PIWIL2: variants seen among roughly 807,000 people sequenced by gnomAD.
PIWIL2 encodes the protein piwi like RNA-mediated gene silencing 2.
PIWIL2 carries 81 observed loss-of-function variants against 116.5 expected under a neutral mutation model. That is an observed-to-expected ratio of 0.70 (90% confidence interval 0.58 to 0.84). The LOEUF (loss-of-function observed/expected upper bound fraction) is 0.84. PIWIL2 is among the 40% of genes least tolerant of loss of function. The pLI is 0.00. For missense variants in PIWIL2, 1,272 were observed against 1,212.3 expected, an observed-to-expected ratio of 1.05 and a Z score of -0.73; for synonymous variants, 489 against 429.5, an observed-to-expected ratio of 1.14 and a Z score of -1.71.
chr8:22,279,718 CGAG>C (rs1436320054), intron 2 of PIWIL2, 134 bp downstream of exon 2: 1 of 757,992 alleles, frequency 1.3e-6, no homozygotes, highest in Admixed American at 2.4e-5. Context: ...TTTGGGAGGC[CGAG>C]GCAGGTGGAT....
intron 1 of PIWIL2, 121 bp from the exon 2 acceptor site, chr8:22,279,220 T>G (rs982192398): frequency 1.3e-5 from 8 of 610,862 alleles, no homozygotes; most frequent in African/African-American, 5.5e-5. Flanking sequence ...GAAGTGAATA[T>G]GTTGTAGAAG....
intron 12 of PIWIL2, among the ~76,000 whole-genome samples, chr8:22,305,172 C>CATTTATTT (rs10669583): frequency 0.18 from 26,353 of 143,784 alleles, 2,827 homozygotes; most frequent in East Asian, 0.3. Flanking sequence ...TATAGATATT[C>CATTTATTT]ATTTATTTAT....
intron 20 of PIWIL2, among the ~76,000 whole-genome samples, chr8:22,322,886 A>G (rs1831635156): frequency 6.6e-6 from 1 of 152,092 alleles, no homozygotes; most frequent in African/African-American, 2.4e-5. Flanking sequence ...TTACTCTCAT[A>G]TCTCAAGAGC....
intron 20 of PIWIL2, among the ~76,000 whole-genome samples, chr8:22,329,012 G>A (rs1831797232): frequency 6.6e-6 from 1 of 151,888 alleles, no homozygotes; most frequent in South Asian, 2.1e-4. Flanking sequence ...TTGAATAGCA[G>A]TGCTAAAATC....
chr8:22,284,009 C>T (rs1314756107), intron 5 of PIWIL2, among the ~76,000 whole-genome samples, 153 bp from the exon 6 acceptor site: 1 of 151,112 alleles, frequency 6.6e-6, no homozygotes, highest in Non-Finnish European at 1.5e-5. Flanking sequence ...GAGCTTGCTT[C>T]TGTAAGTGTT....
intron 15 of PIWIL2, 151 bp from the exon 16 acceptor site, chr8:22,310,961 A>G (rs1029287239): frequency 6.1e-6 from 4 of 650,862 alleles, no homozygotes; most frequent in African/African-American, 1.8e-5. Flanking sequence ...CAGTTTTCTT[A>G]TCATGTACGT....
chr8:22,355,286 T>C, intron 22 of PIWIL2, 63 bp from the exon 23 acceptor site: 2 of 1,530,336 alleles, frequency 1.3e-6, no homozygotes, highest in South Asian at 2.3e-5. Context: ...TATTGTATTG[T>C]ATTGCATGCC....
At chr8:22,289,007 G>T (rs986052267) in intron 8 of PIWIL2, among the ~76,000 whole-genome samples, 4 of 152,162 alleles carry the variant, frequency 2.6e-5, no homozygotes, top group African/African-American at 9.7e-5. Flanking sequence ...AAAAATATTT[G>T]CTGGAAGGAT....
rs200920083 is a variant in PIWIL2 at position 22,307,974 on chromosome 8, T to C, written c.1587T>C (p.His529=). 2 of 1,613,266 alleles carry C rather than the reference T, an allele frequency of 1.2e-6. No homozygotes were observed. Among genetic ancestry groups the C allele is most frequent in the East Asian group, 2.2e-5 (1 of 44,844 alleles). The stretch of plus-strand genomic sequence containing the variant: ...TCAATCTGAGCCCCAAGCAACACCA[T>C]AGTGCTTTGGAATGCTTGCTGCAAA... ...QQINLSPKQH[H]SALECLLQRI... Residue 529 remains histidine (H), a synonymous_variant, in exon 14 of 23, where the codon CAT becomes CAC. Transcript: ENST00000356766.
chr8:22,303,951 GATCCCCT>G, intron 10 of PIWIL2, 63 bp from the exon 11 acceptor site: 1 of 942,780 alleles, frequency 1.1e-6, no homozygotes, highest in Non-Finnish European at 1.6e-6. Context: ...TCAATTACTT[GATCCCCT>G]ATCCCTTTCA....
intron 18 of PIWIL2, among the ~76,000 whole-genome samples, chr8:22,315,992 C>T (rs1831449414): frequency 6.6e-6 from 1 of 152,144 alleles, no homozygotes; most frequent in Admixed American, 6.5e-5. Context: ...GTGTTTTCTA[C>T]AGAAATCATA....
chr8:22,337,904 G>A (rs952515914), intron 20 of PIWIL2, among the ~76,000 whole-genome samples: 2 of 151,956 alleles, frequency 1.3e-5, no homozygotes, highest in Admixed American at 6.6e-5. Flanking sequence ...GACCAGCCTC[G>A]CCAACATGGC....
intron 20 of PIWIL2, among the ~76,000 whole-genome samples, chr8:22,336,360 A>G (rs1831981803): frequency 6.6e-6 from 1 of 152,228 alleles, no homozygotes; most frequent in South Asian, 2.1e-4. Flanking sequence ...AAATTAAACA[A>G]GACTGGCTCC....
At chr8:22,280,856 C>T (rs974355829) in intron 2 of PIWIL2, among the ~76,000 whole-genome samples, 2 of 141,772 alleles carry the variant, frequency 1.4e-5, no homozygotes, top group African/African-American at 5.1e-5. Flanking sequence ...TACTGTTTAT[C>T]AAATCAAAAT....
At chr8:22,290,194 C>A in intron 9 of PIWIL2, 39 bp from the exon 10 acceptor site, 3 of 1,271,138 alleles carry the variant, frequency 2.4e-6, no homozygotes, top group South Asian at 1.2e-5. Flanking sequence ...TATATGTGTT[C>A]TTTGAAAATC....
At chr8:22,277,479 G>A (rs985753171) in intron 1 of PIWIL2, among the ~76,000 whole-genome samples, 5 of 152,162 alleles carry the variant, frequency 3.3e-5, no homozygotes, top group African/African-American at 7.2e-5. Context: ...GAAAGACTGT[G>A]TACTCTGGAG....
chr8:22,311,872 C>G (rs1397561956), intron 16 of PIWIL2, among the ~76,000 whole-genome samples: 1 of 152,198 alleles, frequency 6.6e-6, no homozygotes, highest in Non-Finnish European at 1.5e-5. Context: ...GTAATTAGCC[C>G]TTGAATTGAA....
At chr8:22,337,326 A>G (rs1321073663) in intron 20 of PIWIL2, among the ~76,000 whole-genome samples, 2 of 152,218 alleles carry the variant, frequency 1.3e-5, no homozygotes, top group Non-Finnish European at 2.9e-5. Context: ...AGATCAGTAT[A>G]TAATAATCAG....
At chr8:22,336,935 CAGA>C (rs1831994087) in intron 20 of PIWIL2, among the ~76,000 whole-genome samples, 1 of 152,214 alleles carries the variant, frequency 6.6e-6, no homozygotes, top group Admixed American at 6.5e-5. Context: ...ACTGACCTAA[CAGA>C]AATACAGGGA....
Sources: gnomAD v4.1 joint callset for allele counts (sites outside exome capture counted in the v4.1 genomes callset) on GRCh38, gnomAD v4.1.1 for gene constraint, MANE v1.5 for transcripts, NCBI Gene and HGNC (gene_info 2026-07-23, HGNC 2026-07-21) for gene names.